The following NPEPPS variants were observed in gnomAD, a reference collection of about 807,000 sequenced individuals.
The protein encoded by NPEPPS is puromycin-sensitive aminopeptidase.
NPEPPS carries 14 observed loss-of-function variants against 115.5 expected under a neutral mutation model. The ratio of observed to expected loss-of-function variants is 0.12; its 90% CI spans 0.08 to 0.19. The LOEUF is 0.19. Among genes scored for constraint, NPEPPS ranks in the 10% least tolerant of loss-of-function variants. The pLI, the probability that NPEPPS is intolerant of heterozygous loss-of-function variation, is 1.00. For missense variants in NPEPPS, 523 were observed against 1,110.8 expected (o/e 0.47, Z 7.52); for synonymous variants, 285 against 390.6 (o/e 0.73, Z 3.19).
chr17:47,569,028 A>C (rs1409429492), intron 2 of NPEPPS, among the ~76,000 whole-genome samples: 1 of 152,252 alleles, frequency 6.6e-6, no homozygotes, highest in African/African-American at 2.4e-5. Context: ...TTGGGGGAAC[A>C]GACCTTTCCT....
rs1358390170 is a variant in NPEPPS, at chr17:47,596,386, G to A, written c.1460G>A (p.Gly487Asp). The change falls in exon 13 of 23, where the codon GGT (glycine) becomes GAT (aspartate). Residue 487 changes from glycine (G) to aspartate (D), a missense_variant. By Grantham distance (94) the Gly-to-Asp change is moderately conservative (BLOSUM62 -1). Coordinates refer to ENST00000322157, the MANE Select transcript of NPEPPS (RefSeq NM_006310.4). ...DLWESLENAS[G>D]KPIAAVMNTW... ...TGGGAAAGTTTAGAAAATGCTAGTG[G>A]TAAACCTATAGCAGCTGTGATGAAT... 2 of 1,594,870 alleles carry A rather than the reference G, an allele frequency of 1.3e-6. No homozygotes were observed. The highest frequency in any genetic ancestry group is 1.7e-6 in the Non-Finnish European group (2 of 1,170,020).
chr17:47,612,436 T>C lies in NPEPPS; in HGVS notation c.2096-24T>C, dbSNP rs748436547. ...AAAATAGGCTTTTTAAGTAGTCTTA[T>C]GTCTCTTTTACTTCTCAAATCAGGT... On this transcript the variant is annotated intron_variant, in intron 17 of 22. Coordinates refer to ENST00000322157, the MANE Select transcript of NPEPPS (RefSeq NM_006310.4). 1.9e-6 allele frequency: 3 copies of C among 1,612,150 alleles called. No individual in the cohort carries two copies. In the South Asian group the frequency reaches 3.3e-5, roughly 18 times the overall value.
At chr17:47,566,177 C>T (rs999687066) in intron 2 of NPEPPS, among the ~76,000 whole-genome samples, 9 of 151,976 alleles carry the variant, frequency 5.9e-5, no homozygotes, top group Non-Finnish European at 1.2e-4. Context: ...TTTATTTTTC[C>T]TGTGTTGCCC....
At chr17:47,552,190 T>C (rs1238727208) in intron 2 of NPEPPS, among the ~76,000 whole-genome samples, 3 of 151,800 alleles carry the variant, frequency 2.0e-5, no homozygotes, top group Non-Finnish European at 4.4e-5. Flanking sequence ...GGTCTCAGAC[T>C]CCAAGACTCA....
intron 2 of NPEPPS, among the ~76,000 whole-genome samples, chr17:47,553,025 C>T (rs1909757674): frequency 6.6e-6 from 1 of 151,974 alleles, no homozygotes; most frequent in African/African-American, 2.4e-5. Flanking sequence ...CACCATATTG[C>T]AATTATTTGT....
chr17:47,541,036 CAGG>C (rs1908717430), intron 1 of NPEPPS, among the ~76,000 whole-genome samples: 1 of 152,030 alleles, frequency 6.6e-6, no homozygotes, highest in African/African-American at 2.4e-5. Context: ...CCCTTAAACA[CAGG>C]AGGAGTTGGA....
At chr17:47,531,985 CT>C (rs1907818852) in intron 1 of NPEPPS, among the ~76,000 whole-genome samples, 1 of 152,092 alleles carries the variant, frequency 6.6e-6, no homozygotes, top group Admixed American at 6.6e-5. Flanking sequence ...TGACTCAGTT[CT>C]TTCTTTGGTT....
intron 2 of NPEPPS, among the ~76,000 whole-genome samples, chr17:47,547,028 T>G (rs1192099155): frequency 1.3e-5 from 2 of 152,204 alleles, no homozygotes; most frequent in Admixed American, 6.6e-5. Context: ...TTTTTTTTTC[T>G]TTTTGTACTG....
chr17:47,541,051 G>A (rs1463425406), intron 1 of NPEPPS, among the ~76,000 whole-genome samples: 1 of 152,142 alleles, frequency 6.6e-6, no homozygotes, highest in Non-Finnish European at 1.5e-5. Context: ...GGAGTTGGAA[G>A]GTACTTGTAA....
intron 4 of NPEPPS, chr17:47,579,929 C>CTG (rs2143834158): frequency 6.8e-6 from 1 of 146,904 alleles, no homozygotes; most frequent in East Asian, 1.9e-4. Context: ...TTTTTTTTCT[C>CTG]CGTGTGTGTG....
chr17:47,544,502 GTATTTATTTATT>G (rs61518431), intron 1 of NPEPPS, among the ~76,000 whole-genome samples: 2,298 of 141,580 alleles, frequency 0.016, 29 homozygotes, highest in Admixed American at 0.019. Flanking sequence ...GAAATTAAAC[GTATTTATTTATT>G]TATTTATTTA....
intron 2 of NPEPPS, among the ~76,000 whole-genome samples, chr17:47,555,257 TA>T: frequency 6.6e-6 from 1 of 151,920 alleles, no homozygotes; most frequent in East Asian, 1.9e-4. Context: ...ATGGAGAGCA[TA>T]AAAAACTGCT....
chr17:47,610,399 G>C (rs993262939), intron 17 of NPEPPS, among the ~76,000 whole-genome samples: 2 of 151,260 alleles, frequency 1.3e-5, no homozygotes, highest in Non-Finnish European at 1.5e-5. Flanking sequence ...TTTTTTGGGG[G>C]GGGGTAACAG....
At chr17:47,570,701 C>T (rs1324425647) in intron 3 of NPEPPS, among the ~76,000 whole-genome samples, 2 of 152,140 alleles carry the variant, frequency 1.3e-5, no homozygotes, top group African/African-American at 4.8e-5. Flanking sequence ...TGAAAAGGAA[C>T]AGATAATTCA....
At chr17:47,598,351 A>G (rs928453585) in intron 13 of NPEPPS, among the ~76,000 whole-genome samples, 2 of 152,140 alleles carry the variant, frequency 1.3e-5, no homozygotes, top group South Asian at 2.1e-4. Context: ...GCACGTGCCT[A>G]TAGTCCCAGC....
chr17:47,541,337 G>A (rs543644288), intron 1 of NPEPPS, among the ~76,000 whole-genome samples: 1 of 151,832 alleles, frequency 6.6e-6, no homozygotes, highest in Admixed American at 6.6e-5. Context: ...TTCACCCATT[G>A]GAGCATACCC....
intron 22 of NPEPPS, among the ~76,000 whole-genome samples, chr17:47,621,523 G>T (rs1914573749): frequency 1.3e-5 from 2 of 152,100 alleles, no homozygotes; most frequent in African/African-American, 4.8e-5. Flanking sequence ...CTAAAAGAAA[G>T]GCAGTAGGTT....
At chr17:47,564,242 C>G (rs1307555754) in intron 2 of NPEPPS, among the ~76,000 whole-genome samples, 2 of 152,204 alleles carry the variant, frequency 1.3e-5, no homozygotes, top group Middle Eastern at 3.4e-3. Context: ...AATTAAGAAG[C>G]AAGTGCCAGG....
chr17:47,592,911 T>C (rs577964220), intron 12 of NPEPPS, among the ~76,000 whole-genome samples: 42 of 152,098 alleles, frequency 2.8e-4, no homozygotes, highest in Admixed American at 2.7e-3. Context: ...CCCAGCCCCC[T>C]ACCCCATGAC....
Sources: gnomAD v4.1 joint callset for allele counts (sites outside exome capture counted in the v4.1 genomes callset) on GRCh38, gnomAD v4.1.1 for gene constraint, MANE v1.5 for transcripts, NCBI Gene and HGNC (gene_info 2026-07-23, HGNC 2026-07-21) for gene names.